Variants in TSHZ2 observed in about 807,000 individuals in gnomAD.
The protein encoded by TSHZ2 is teashirt homolog 2.
Under a neutral mutation model 74.4 loss-of-function variants are expected in TSHZ2, and 21 were observed. The ratio of observed to expected loss-of-function variants is 0.28; its 90% CI spans 0.20 to 0.41. The LOEUF is 0.41. TSHZ2 is among the 10% of genes least tolerant of loss of function. TSHZ2 has a pLI of 1.00. For missense variants in TSHZ2, 1,244 were observed against 1,293.5 expected (o/e 0.96, Z 0.59); for synonymous variants, 540 against 515.3 (o/e 1.05, Z -0.65).
intron 2 of TSHZ2, among the ~76,000 whole-genome samples, chr20:53,471,116 G>C (rs1191790983): frequency 6.6e-6 from 1 of 152,178 alleles, no homozygotes; most frequent in East Asian, 1.9e-4. Context: ...AAAGCTTCTG[G>C]AGTCCGCTTG....
intron 1 of TSHZ2, among the ~76,000 whole-genome samples, chr20:52,988,783 C>G (rs1331332606): frequency 6.6e-6 from 1 of 152,130 alleles, no homozygotes; most frequent in Non-Finnish European, 1.5e-5. Context: ...CACAGTCCAT[C>G]TGGGGCGTCT....
At chr20:53,208,460 G>A (rs1989225896) in intron 1 of TSHZ2, 2 of 152,168 alleles carry the variant, frequency 1.3e-5, no homozygotes, top group African/African-American at 4.8e-5. Flanking sequence ...ACCCTGATTT[G>A]TGAATGAGGA....
intron 2 of TSHZ2, among the ~76,000 whole-genome samples, chr20:53,323,576 T>TTTTTTTTTG (rs1979367838): frequency 8.2e-6 from 1 of 121,382 alleles, no homozygotes; most frequent in Non-Finnish European, 1.7e-5. Flanking sequence ...TTTTTTTTTT[T>TTTTTTTTTG]TTTTTTTTTT....
chr20:53,198,522 C>T (rs1387079388), intron 1 of TSHZ2, among the ~76,000 whole-genome samples: 1 of 152,142 alleles, frequency 6.6e-6, no homozygotes, highest in Non-Finnish European at 1.5e-5. Flanking sequence ...AACCACACGT[C>T]AAATCTCAAC....
chr20:53,133,302 C>G (rs971869797), intron 1 of TSHZ2, among the ~76,000 whole-genome samples: 1 of 152,194 alleles, frequency 6.6e-6, no homozygotes, highest in African/African-American at 2.4e-5. Flanking sequence ...CTTTGATGTA[C>G]CTCCATTTCC....
intron 2 of TSHZ2, among the ~76,000 whole-genome samples, chr20:53,321,692 A>AAAAAAAAG (rs1170586389): frequency 2.7e-5 from 4 of 149,036 alleles, no homozygotes; most frequent in African/African-American, 1.0e-4. Flanking sequence ...TCAAAAAAAA[A>AAAAAAAAG]AAAAAAAAGA....
chr20:53,309,823 C>T (rs1428527883), intron 2 of TSHZ2, among the ~76,000 whole-genome samples: 2 of 152,180 alleles, frequency 1.3e-5, no homozygotes, highest in Non-Finnish European at 2.9e-5. Flanking sequence ...AGGGCATTTG[C>T]AGACCTTCCT....
At chr20:53,478,677 AAAT>A (rs1390691605) in intron 2 of TSHZ2, among the ~76,000 whole-genome samples, 1 of 149,846 alleles carries the variant, frequency 6.7e-6, no homozygotes, top group Non-Finnish European at 1.5e-5. Flanking sequence ...TAAAAAATAA[AAAT>A]AAATAAATAA....
At chr20:53,428,327 C>T (rs1198956556) in intron 2 of TSHZ2, among the ~76,000 whole-genome samples, 2 of 152,158 alleles carry the variant, frequency 1.3e-5, no homozygotes, top group South Asian at 2.1e-4. Context: ...ACTTTAAGTG[C>T]CAAGAAAGGC....
chr20:53,079,570 G>A (rs1167551787), intron 1 of TSHZ2, among the ~76,000 whole-genome samples: 1 of 152,158 alleles, frequency 6.6e-6, no homozygotes, highest in Admixed American at 6.5e-5. Flanking sequence ...GTCTTTAGAG[G>A]CCAAATTCCA....
At chr20:52,988,255 A>G (rs1360691598) in intron 1 of TSHZ2, among the ~76,000 whole-genome samples, 1 of 152,204 alleles carries the variant, frequency 6.6e-6, no homozygotes, top group Non-Finnish European at 1.5e-5. Context: ...CACTGGCTAC[A>G]TTCAGGTTGT....
intron 1 of TSHZ2, among the ~76,000 whole-genome samples, chr20:53,147,215 C>T (rs1263603309): frequency 6.6e-6 from 1 of 152,128 alleles, no homozygotes; most frequent in Non-Finnish European, 1.5e-5. Flanking sequence ...TCTGTCTCTT[C>T]TAAATTAACT....
intron 1 of TSHZ2, among the ~76,000 whole-genome samples, chr20:53,065,166 G>A (rs1568742822): frequency 6.6e-6 from 1 of 152,162 alleles, no homozygotes; most frequent in Non-Finnish European, 1.5e-5. Context: ...TAAAGGAGTT[G>A]GTGACACTCT....
intron 1 of TSHZ2, among the ~76,000 whole-genome samples, chr20:53,112,845 A>G (rs1320460948): frequency 6.6e-6 from 1 of 152,226 alleles, no homozygotes; most frequent in Admixed American, 6.5e-5. Flanking sequence ...TTGATGTAAC[A>G]TAAATCCCAT....
At chr20:53,441,941 C>T (rs1021931992) in intron 2 of TSHZ2, among the ~76,000 whole-genome samples, 7 of 152,122 alleles carry the variant, frequency 4.6e-5, no homozygotes, top group African/African-American at 1.7e-4. Flanking sequence ...TGTGCAGAAA[C>T]AAATTGCAAG....
chr20:53,234,214 T>C (rs1454604459), intron 1 of TSHZ2, among the ~76,000 whole-genome samples: 1 of 152,190 alleles, frequency 6.6e-6, no homozygotes, highest in East Asian at 1.9e-4. Flanking sequence ...CTATGTTTTA[T>C]TGGAAAATAG....
chr20:53,075,889 T>C (rs1272738342), intron 1 of TSHZ2, among the ~76,000 whole-genome samples: 1 of 152,198 alleles, frequency 6.6e-6, no homozygotes, highest in Admixed American at 6.5e-5. Flanking sequence ...AGACTGAATG[T>C]GTTTTAAGTG....
intron 1 of TSHZ2, among the ~76,000 whole-genome samples, chr20:53,223,961 C>T (rs6022344): frequency 6.6e-6 from 1 of 151,688 alleles, no homozygotes; most frequent in Admixed American, 6.6e-5. Context: ...CTGGTGAAAC[C>T]TGAGTAGGTC....
intron 2 of TSHZ2, among the ~76,000 whole-genome samples, chr20:53,434,300 C>A (rs1983959994): frequency 2.0e-5 from 3 of 152,144 alleles, no homozygotes; most frequent in African/African-American, 7.2e-5. Context: ...TCACAATGAC[C>A]CTCCAGGTAT....
Sources: gnomAD v4.1 joint callset for allele counts (sites outside exome capture counted in the v4.1 genomes callset) on GRCh38, gnomAD v4.1.1 for gene constraint, MANE v1.5 for transcripts, NCBI Gene and HGNC (gene_info 2026-07-23, HGNC 2026-07-21) for gene names.